Variants in PDE3B observed in about 807,000 individuals in gnomAD.
PDE3B encodes the protein phosphodiesterase 3B.
Under a neutral mutation model 116.8 loss-of-function variants are expected in PDE3B, and 66 were observed. That is an observed-to-expected ratio of 0.56 (90% CI 0.46 to 0.69). PDE3B has a LOEUF of 0.69. Among genes scored for constraint, PDE3B ranks in the 30% least tolerant of loss-of-function variants. The pLI, the probability that PDE3B is intolerant of heterozygous loss-of-function variation, is 0.00. For synonymous variants in PDE3B, 595 were observed against 533.6 expected, an observed-to-expected ratio of 1.12 and a Z score of -1.59; for missense variants, 1,384 against 1,368.1, an observed-to-expected ratio of 1.01 and a Z score of -0.18.
chr11:14,709,377 G>A (rs968198297), intron 1 of PDE3B, among the ~76,000 whole-genome samples: 2 of 152,006 alleles, frequency 1.3e-5, no homozygotes, highest in African/African-American at 4.8e-5. Context: ...TGAAATCAGG[G>A]TGTACCTTAT....
the PDE3B span, chr11:14,891,709 G>C: frequency 8.1e-7 from 1 of 1,241,218 alleles, no homozygotes; most frequent in Non-Finnish European, 1.0e-6. Context: ...GCAAGAGCTC[G>C]AGCGGTAGCG....
chr11:14,665,594 A>C (rs1854112139), intron 1 of PDE3B, among the ~76,000 whole-genome samples: 1 of 152,232 alleles, frequency 6.6e-6, no homozygotes, highest in Non-Finnish European at 1.5e-5. Context: ...GTCAATGTAC[A>C]AAAATCACAA....
intron 9 of PDE3B, 99 bp from the exon 10 acceptor site, chr11:14,832,623 A>G (rs1157070446): frequency 3.9e-6 from 2 of 517,904 alleles, no homozygotes; most frequent in Non-Finnish European, 3.5e-6. Context: ...ATATTAATAC[A>G]TGGTTAACAT....
At chr11:14,861,455 TTGAAATC>T in intron 14 of PDE3B, 89 bp downstream of exon 14, 1 of 1,212,114 alleles carries the variant, frequency 8.3e-7, no homozygotes. Context: ...TATTAAGTGT[TTGAAATC>T]TGAGTTGCTT....
chr11:14,660,510 C>A (rs1853867221), intron 1 of PDE3B, among the ~76,000 whole-genome samples: 1 of 151,756 alleles, frequency 6.6e-6, no homozygotes, highest in Non-Finnish European at 1.5e-5. Context: ...TGCTGTGTTG[C>A]CCACGCTGGT....
intron 1 of PDE3B, among the ~76,000 whole-genome samples, chr11:14,673,281 G>A (rs1854428024): frequency 6.6e-6 from 1 of 151,800 alleles, no homozygotes; most frequent in Non-Finnish European, 1.5e-5. Flanking sequence ...TTATAAAAGT[G>A]CGTAGTGTCA....
rs138326048 is a variant in PDE3B at position 14,686,606 on chromosome 11, A to T, written c.978+41553A>T. 2.5e-3 allele frequency among the ~76,000 whole-genome samples: 388 copies of T among 152,328 alleles called. 1 individual carries two copies. Among genetic ancestry groups the T allele is most frequent in the African/African-American group, 8.1e-3 (337 of 41,570 alleles). On this transcript the variant is annotated intron_variant, in intron 1 of 15. Transcript: ENST00000282096. ...AATTTAAAGAGGAAAGTAAAGACTG[A>T]ATTGGCTTTATACTTACTTTAAATT...
At chr11:14,723,747 G>A (rs954428426) in intron 1 of PDE3B, among the ~76,000 whole-genome samples, 6 of 151,760 alleles carry the variant, frequency 4.0e-5, no homozygotes, top group South Asian at 2.1e-4. Context: ...GGGCAATAGA[G>A]TGAGACTCCA....
the PDE3B span, chr11:14,880,431 A>C: frequency 6.2e-7 from 1 of 1,613,444 alleles, no homozygotes. Context: ...GCAGGATGCC[A>C]ATCCATGGAA....
At chr11:14,807,631 A>G (rs1741360778) in intron 5 of PDE3B, among the ~76,000 whole-genome samples, 2 of 152,260 alleles carry the variant, frequency 1.3e-5, no homozygotes, top group African/African-American at 4.8e-5. Context: ...GGTGGATTAA[A>G]CACACTTTAT....
At chr11:14,782,408 A>C (rs1858038039) in intron 2 of PDE3B, among the ~76,000 whole-genome samples, 1 of 152,134 alleles carries the variant, frequency 6.6e-6, no homozygotes, top group African/African-American at 2.4e-5. Flanking sequence ...GTACCAAAAC[A>C]GAGATATAGA....
intron 1 of PDE3B, among the ~76,000 whole-genome samples, chr11:14,704,211 A>T (rs1458516002): frequency 6.6e-6 from 1 of 151,772 alleles, no homozygotes; most frequent in Admixed American, 6.6e-5. Flanking sequence ...GAATTATGTT[A>T]AAATATTAAA....
Position 14,871,830 on chromosome 11 carries a change from C to T in PDE3B, c.*2170C>T, listed in dbSNP as rs2134000537. On this transcript the variant is annotated 3_prime_UTR_variant, in exon 16 of 16. Coordinates refer to ENST00000282096, the MANE Select transcript of PDE3B (RefSeq NM_000922.4). ...AAAGAATGTGAGAATATATTAAATG[C>T]ACACTGTACCATTAGATGAAATCTT... 1 of 152,250 alleles carries T rather than the reference C, an allele frequency of 6.6e-6. No homozygotes were observed. The highest frequency in any genetic ancestry group is 2.4e-5 in the African/African-American group (1 of 41,570). 9.4% of individuals were successfully genotyped at this position (152,250 alleles called of 1,614,324 possible). A position where few individuals can be genotyped will look rare whatever the true frequency, so the allele number is the denominator to read the frequency against.
At chr11:14,771,744 T>C (rs1857646509) in intron 1 of PDE3B, among the ~76,000 whole-genome samples, 193 bp from the exon 2 acceptor site, 1 of 151,804 alleles carries the variant, frequency 6.6e-6, no homozygotes, top group Non-Finnish European at 1.5e-5. Context: ...TAATTCTTTA[T>C]TCTTTTGATT....
intron 1 of PDE3B, among the ~76,000 whole-genome samples, chr11:14,757,747 G>T (rs946088240): frequency 2.0e-5 from 3 of 149,646 alleles, no homozygotes; most frequent in Non-Finnish European, 4.4e-5. Context: ...CTCCCATTTT[G>T]TAGGGTGCCT....
rs1233310614 is a variant in PDE3B, at chr11:14,644,669, G to A, written c.594G>A (p.Leu198=). ...CGGAGGCGGCAGCGGGCAGGTTGCT[G>A]CTGGTGCTGAGCTGCGTAGGGCTGC... ...TPPEAAAGRL[L]LVLSCVGLLL... is the part of the protein sequence containing the mutation. The change falls in exon 1 of 16, where the codon CTG becomes CTA. Residue 198 remains leucine (L), a synonymous_variant. Coordinates refer to ENST00000282096, the MANE Select transcript of PDE3B (RefSeq NM_000922.4). The A allele has an allele frequency of 7.3e-6, 11 of 1,500,182 alleles. No homozygotes were observed. Among genetic ancestry groups the A allele is most frequent in the African/African-American group, 1.4e-5 (1 of 71,818 alleles). The allele number at this position is 1,500,182 out of a possible 1,614,324, so 92.9% of individuals were successfully genotyped here.
intron 1 of PDE3B, among the ~76,000 whole-genome samples, chr11:14,728,832 A>C (rs967201120): frequency 6.6e-6 from 1 of 152,200 alleles, no homozygotes; most frequent in Non-Finnish European, 1.5e-5. Flanking sequence ...GGTCTTTTGA[A>C]TATAAAAACT....
At chr11:14,817,085 C>T (rs1859355663) in intron 5 of PDE3B, among the ~76,000 whole-genome samples, 1 of 152,184 alleles carries the variant, frequency 6.6e-6, no homozygotes, top group Non-Finnish European at 1.5e-5. Flanking sequence ...GGCACATACA[C>T]ACCATGGAAT....
intron 3 of PDE3B, among the ~76,000 whole-genome samples, chr11:14,788,517 T>C (rs567261823): frequency 2.6e-4 from 40 of 152,106 alleles, no homozygotes; most frequent in African/African-American, 9.6e-4. Flanking sequence ...TATGTAAATC[T>C]CAGTAAAACA....
Sources: allele counts gnomAD v4.1 joint callset (sites outside exome capture counted in the v4.1 genomes callset), GRCh38; gene constraint gnomAD v4.1.1; transcripts MANE v1.5; gene names NCBI Gene and HGNC (gene_info 2026-07-23, HGNC 2026-07-21).